The following COL25A1 variants were observed in gnomAD, a reference collection of about 807,000 sequenced individuals.
COL25A1 encodes the protein collagen type XXV alpha 1 chain.
COL25A1 carries 103 observed loss-of-function variants against 128.4 expected under a neutral mutation model. The observed-to-expected ratio is 0.80, with a 90% CI of 0.68 to 0.94. The LOEUF (loss-of-function observed/expected upper bound fraction) is 0.94. Among genes scored for constraint, COL25A1 ranks in the 40% least tolerant of loss-of-function variants. COL25A1 has a pLI of 0.00. For synonymous variants in COL25A1, 279 were observed against 277.2 expected, an observed-to-expected ratio of 1.01 and a Z score of -0.06; for missense variants, 745 against 840.0, an observed-to-expected ratio of 0.89 and a Z score of 1.40.
At position 109,155,173 on chromosome 4, in the gene COL25A1, A is replaced by G. The variant is rs899230715; in HGVS notation, c.368-104994T>C. Among the ~76,000 whole-genome samples the G allele has an allele frequency of 2.2e-4, 34 of 152,208 alleles. 1 individual carries two copies. Among genetic ancestry groups the G allele is most frequent in the Non-Finnish European group, 4.4e-5 (3 of 68,016 alleles). ...TAACCAAACTTTACAGCACTTGAGG[A>G]TAAGAGTTATTTGGCACTGTTGCTT... is the stretch of plus-strand genomic sequence containing the variant. On this transcript the variant is annotated intron_variant, in intron 3 of 37. Transcript: ENST00000399132.
chr4:109,133,879 T>C (rs960902898), intron 3 of COL25A1, among the ~76,000 whole-genome samples: 2 of 152,140 alleles, frequency 1.3e-5, no homozygotes, highest in African/African-American at 4.8e-5. Context: ...TTAGGAGAGA[T>C]AGAAAAGAAC....
At chr4:108,824,712 G>A (rs1006125569) in intron 34 of COL25A1, among the ~76,000 whole-genome samples, 6 of 152,202 alleles carry the variant, frequency 3.9e-5, no homozygotes, top group African/African-American at 1.4e-4. Flanking sequence ...AATACAGGAT[G>A]AGCAGTGATT....
At chr4:109,199,008 T>G (rs1297965922) in intron 3 of COL25A1, among the ~76,000 whole-genome samples, 1 of 152,138 alleles carries the variant, frequency 6.6e-6, no homozygotes, top group African/African-American at 2.4e-5. Context: ...GGTGCACAGG[T>G]AGAAGGAGAT....
In COL25A1 at chr4:109,300,630, T is replaced by G; in HGVS notation, c.320A>C (p.Lys107Thr). 6.2e-7 allele frequency: 1 copy of G among 1,611,666 alleles called. No individual in the cohort carries two copies. The highest frequency in any genetic ancestry group is 8.5e-7 in the Non-Finnish European group (1 of 1,177,724). The stretch of plus-strand genomic sequence containing the variant: ...AGGTGCTTCTCTTGCGATTCTTATT[T>G]TAGCCATATGTTCATAGGATTTCTG... ...LAQKSYEHMA[K>T]IRIAREAPSE... The change falls in exon 3 of 38, where the codon AAA becomes ACA. Residue 107 changes from lysine to threonine, a missense_variant. Coordinates refer to ENST00000399132, the MANE Select transcript of COL25A1 (RefSeq NM_198721.4).
At chr4:109,213,729 A>T (rs914924975) in intron 3 of COL25A1, among the ~76,000 whole-genome samples, 8 of 152,196 alleles carry the variant, frequency 5.3e-5, no homozygotes, top group African/African-American at 1.9e-4. Context: ...GATTACTGTT[A>T]TTAGAAATCA....
At chr4:108,844,465 C>T in intron 30 of COL25A1, 54 bp downstream of exon 30, 1 of 1,613,948 alleles carries the variant, frequency 6.2e-7, no homozygotes, top group Non-Finnish European at 8.5e-7. Context: ...CATGTTCTCT[C>T]TAGCAGCATG....
intron 6 of COL25A1, among the ~76,000 whole-genome samples, chr4:108,988,594 C>A (rs1021632876): frequency 1.3e-5 from 2 of 152,194 alleles, no homozygotes; most frequent in African/African-American, 4.8e-5. Context: ...CACAGGCATA[C>A]ATTTTTGGCT....
chr4:108,905,467 T>A (rs1394804908), intron 13 of COL25A1, among the ~76,000 whole-genome samples: 1 of 151,678 alleles, frequency 6.6e-6, no homozygotes, highest in Non-Finnish European at 1.5e-5. Context: ...TATACATACG[T>A]AACTAACCTG....
chr4:109,052,894 A>G (rs1761119674), intron 3 of COL25A1, among the ~76,000 whole-genome samples: 1 of 152,152 alleles, frequency 6.6e-6, no homozygotes, highest in Non-Finnish European at 1.5e-5. Context: ...TGAGTGATGA[A>G]TTGTCAGCCA....
In COL25A1 at chr4:108,889,615, G is replaced by A. The variant is rs772958735; in HGVS notation, c.939+86C>T. ...TAAGAACAGAGTTATAACCATCAAA[G>A]TTGCTAAAAAGGGAGAGAAAGTAGA... On this transcript the variant is annotated intron_variant, in intron 17 of 37. Transcript: ENST00000399132. The A allele has an allele frequency of 2.6e-5, 30 of 1,175,474 alleles. 1 individual carries two copies. The highest frequency in any genetic ancestry group is 3.5e-5 in the Non-Finnish European group (28 of 792,374). The allele number at this position is 1,175,474 out of a possible 1,614,324, so 72.8% of individuals were successfully genotyped here.
intron 19 of COL25A1, among the ~76,000 whole-genome samples, chr4:108,882,564 A>G (rs1740260956): frequency 6.6e-6 from 1 of 152,156 alleles, no homozygotes; most frequent in Non-Finnish European, 1.5e-5. Flanking sequence ...TCTTCCCATT[A>G]TTTGTAAAAA....
Position 109,288,795 on chromosome 4 carries a change from C to T in COL25A1, c.367+11788G>A, listed in dbSNP as rs72892749. On this transcript the variant is annotated intron_variant, in intron 3 of 37. Coordinates refer to ENST00000399132, the MANE Select transcript of COL25A1 (RefSeq NM_198721.4). ...ATAGCAATTAGCACCACCGCATGGG[C>T]CTAGCAGATAAAGTATATAAAGTCC... Among the ~76,000 whole-genome samples the T allele has an allele frequency of 6.1e-3, 925 of 152,098 alleles. 13 individuals carry two copies. The highest frequency in any genetic ancestry group is 0.022 in the African/African-American group (899 of 41,492).
At chr4:109,285,083 T>C (rs186169397) in intron 3 of COL25A1, among the ~76,000 whole-genome samples, 73 of 152,234 alleles carry the variant, frequency 4.8e-4, no homozygotes, top group Admixed American at 1.0e-3. Context: ...TGGAGCTTCA[T>C]TGAGAATCAG....
chr4:109,025,878 C>T (rs755845090), intron 5 of COL25A1, among the ~76,000 whole-genome samples: 10 of 152,022 alleles, frequency 6.6e-5, no homozygotes, highest in African/African-American at 9.7e-5. Flanking sequence ...GGTTAAATAA[C>T]GTTTCCTTAG....
intron 3 of COL25A1, among the ~76,000 whole-genome samples, chr4:109,096,491 A>T (rs1416382905): frequency 2.4e-5 from 3 of 125,358 alleles, no homozygotes; most frequent in African/African-American, 9.6e-5. Context: ...TTGGTACCCT[A>T]GGAGCAACAG....
At chr4:108,840,621 G>T (rs1734340508) in intron 31 of COL25A1, among the ~76,000 whole-genome samples, 1 of 152,164 alleles carries the variant, frequency 6.6e-6, no homozygotes, top group South Asian at 2.1e-4. Context: ...CTGCTTCTGG[G>T]CTTTGTGACA....
intron 24 of COL25A1, 117 bp downstream of exon 24, chr4:108,859,539 C>T: frequency 2.9e-6 from 2 of 691,468 alleles, no homozygotes; most frequent in Non-Finnish European, 4.8e-6. Context: ...GAAGGGGTGC[C>T]TTGAGCAGTG....
intron 3 of COL25A1, among the ~76,000 whole-genome samples, chr4:109,157,995 T>C (rs1193085437): frequency 5.9e-5 from 9 of 152,294 alleles, no homozygotes; most frequent in African/African-American, 2.2e-4. Context: ...CTGTGAATAC[T>C]TCTATATAAA....
chr4:109,031,022 A>C (rs1243958905), intron 5 of COL25A1, among the ~76,000 whole-genome samples: 1 of 145,258 alleles, frequency 6.9e-6, no homozygotes, highest in Non-Finnish European at 1.5e-5. Flanking sequence ...TATAGGGATG[A>C]GCCACTGTGC....
Sources: allele counts gnomAD v4.1 joint callset (sites outside exome capture counted in the v4.1 genomes callset), GRCh38; gene constraint gnomAD v4.1.1; transcripts MANE v1.5; gene names NCBI Gene and HGNC (gene_info 2026-07-23, HGNC 2026-07-21).